Variants in ADAMTS8 observed in about 807,000 individuals in gnomAD.
ADAMTS8 encodes A disintegrin and metalloproteinase with thrombospondin motifs 8.
ADAMTS8 carries 50 observed loss-of-function variants against 64.4 expected under a neutral mutation model. The ratio of observed to expected loss-of-function variants is 0.78; its 90% CI spans 0.62 to 0.98. The LOEUF is 0.98. Among genes scored for constraint, ADAMTS8 ranks in the 50% least tolerant of loss-of-function variants. The pLI is 0.00. For missense variants in ADAMTS8, 1,192 were observed against 1,208.2 expected (o/e 0.99, Z 0.20); for synonymous variants, 556 against 533.6 (o/e 1.04, Z -0.58).
intron 1 of ADAMTS8, among the ~76,000 whole-genome samples, chr11:130,421,308 C>A (rs1015451647): frequency 2.0e-5 from 3 of 152,180 alleles, no homozygotes; most frequent in Admixed American, 1.3e-4. Flanking sequence ...GAATAAACTG[C>A]TGCTTGAAGA....
Position 130,408,515 on chromosome 11 carries a change from CCA to C in ADAMTS8, c.2046_2047del (p.Cys682TrpfsTer23). The C allele has an allele frequency of 6.2e-7, 1 of 1,614,072 alleles. No homozygotes were observed. Among genetic ancestry groups the C allele is most frequent in the Non-Finnish European group, 8.5e-7 (1 of 1,180,008 alleles). On this transcript the variant is annotated frameshift_variant, in exon 8 of 9. Transcript: ENST00000257359. LOFTEE classifies it high-confidence loss of function. ...CTTCCTGCAGGAGTTGCCTTTGCCC[CCA>C]CACACCCCGCATTTGTCCAGCTTCC...
intron 1 of ADAMTS8, among the ~76,000 whole-genome samples, chr11:130,425,511 T>C (rs565530362): frequency 6.6e-6 from 1 of 151,516 alleles, no homozygotes; most frequent in African/African-American, 2.5e-5. Context: ...CAGAATCTGT[T>C]CCATGTGTGG....
At chr11:130,425,608 T>TC (rs551888011) in intron 1 of ADAMTS8, among the ~76,000 whole-genome samples, 106 of 151,186 alleles carry the variant, frequency 7.0e-4, no homozygotes, top group African/African-American at 2.5e-3. Flanking sequence ...TTTTTCTTTT[T>TC]TTTTTTTTTT....
In ADAMTS8 at chr11:130,427,861, G is replaced by T. The variant is rs1862194618; in HGVS notation, c.426C>A (p.Gly142=). Residue 142 remains glycine (G), a synonymous_variant, in exon 1 of 9, where the codon GGC becomes GGA. Coordinates refer to ENST00000257359, the MANE Select transcript of ADAMTS8 (RefSeq NM_007037.6). ...EFTIQPQGAG[G]SLAQPHRLQR... ...GCAGGCGGTGCGGCTGAGCCAGGGA[G>T]CCCCCCGCGCCCTGCGGCTGGATGG... 4.6e-6 allele frequency: 7 copies of T among 1,535,800 alleles called. No individual in the cohort carries two copies. The Middle Eastern group carries it at 6.2e-4, about 136-fold the overall frequency.
In ADAMTS8 at chr11:130,416,524, C is replaced by G. The variant is rs564283402; in HGVS notation, c.1097-194G>C. On this transcript the variant is annotated intron_variant, in intron 3 of 8. Transcript: ENST00000257359. This position sits in a 1 kb window ranked among gnomAD's most constrained non-coding sequence, Gnocchi z 4.8. The stretch of plus-strand genomic sequence containing the variant: ...AGATGACTAAGAAACACGGATACCC[C>G]TTTATTTTCTGCCTCAGCCCGTCCT... 1.3e-5 allele frequency among the ~76,000 whole-genome samples: 2 copies of G among 152,212 alleles called. No individual in the cohort carries two copies. The highest frequency in any genetic ancestry group is 4.8e-5 in the African/African-American group (2 of 41,452).
chr11:130,409,274 G>T (rs539004981), intron 6 of ADAMTS8, among the ~76,000 whole-genome samples: 1 of 152,294 alleles, frequency 6.6e-6, no homozygotes, highest in East Asian at 1.9e-4. Context: ...AGAATGGCAT[G>T]TGGAGCTATA....
rs143297278 is a variant in ADAMTS8, at chr11:130,414,122, CT to C, written c.1566+408del. On this transcript the variant is annotated intron_variant, in intron 5 of 8. Transcript: ENST00000257359. The stretch of plus-strand genomic sequence containing the variant: ...TGCAGCCTGGCCCGAAGTTTCTTTT[CT>C]TTTTTTTTTTTTTTTTTGGAGACAG... Among the ~76,000 whole-genome samples the C allele has an allele frequency of 4.4e-3, 573 of 129,726 alleles. 2 individuals are homozygous for C. The highest frequency in any genetic ancestry group is 0.012 in the African/African-American group (422 of 34,550). The allele number at this position is 129,726 out of a possible 152,430, so 85.1% of individuals were successfully genotyped here.
chr11:130,414,317 T>A (rs954926868), intron 5 of ADAMTS8, among the ~76,000 whole-genome samples: 2 of 151,886 alleles, frequency 1.3e-5, no homozygotes, highest in African/African-American at 4.8e-5. Context: ...ACAGACAGGA[T>A]CTCACTATGT....
At chr11:130,427,500 T>A (rs1445622919) in intron 1 of ADAMTS8, 67 bp downstream of exon 1, 7 of 1,418,792 alleles carry the variant, frequency 4.9e-6, no homozygotes, top group Non-Finnish European at 6.6e-6. Flanking sequence ...AGGGGAGATT[T>A]TAGAGACGCT....
chr11:130,419,252 T>C lies in ADAMTS8; in HGVS notation c.761A>G (p.Tyr254Cys), dbSNP rs370227207. ...LTLMSVAARI[Y>C]KHPSIKNSIN... is the part of the protein sequence containing the mutation. ...GGAATTCTTGATGCTGGGGTGCTTG[T>C]AGATTCGGGCTGCCACAGACATTAA... The change falls in exon 2 of 9, where the codon TAC becomes TGC. Residue 254 changes from tyrosine to cysteine, a missense_variant. By Grantham distance (194) the Tyr-to-Cys change is radical (BLOSUM62 -2). This residue lies in a region of ADAMTS8 where 741 missense variants were observed against 710.6 expected (regional missense o/e 1.04). Transcript: ENST00000257359. 4 of 1,613,932 alleles carry C rather than the reference T, an allele frequency of 2.5e-6. No homozygotes were observed. The highest frequency in any genetic ancestry group is 1.6e-4 in the Middle Eastern group (1 of 6,084).
rs867126623 is a variant in ADAMTS8 at position 130,428,200 on chromosome 11, G to A, written c.87C>T (p.Ala29=). ...LLLPLARGAP[A]RPAAGGQASE... is the part of the protein sequence containing the mutation. ...AGGCCTGCCCCCCGGCTGCGGGCCG[G>A]GCCGGGGCGCCGCGGGCCAGCGGCA... is the stretch of plus-strand genomic sequence containing the variant. The change falls in exon 1 of 9, where the codon GCC becomes GCT. Residue 29 remains alanine, a synonymous_variant. Transcript: ENST00000257359. The A allele has an allele frequency of 1.2e-5, 15 of 1,256,054 alleles. No individual in the cohort carries two copies. The Middle Eastern group carries it at 1.1e-3, about 96-fold the overall frequency. The allele number at this position is 1,256,054 out of a possible 1,614,324, so 77.8% of individuals were successfully genotyped here.
Position 130,415,623 on chromosome 11 carries a change from T to TTTTTA in ADAMTS8, c.1264+539_1264+540insTAAAA, listed in dbSNP as rs56311542. Among the ~76,000 whole-genome samples the TTTTTA allele has an allele frequency of 1.6e-4, 23 of 145,786 alleles. No homozygotes were observed. In the South Asian group the frequency reaches 5.1e-3, roughly 32 times the overall value. ...TGGCCCTTTTTTTTTTTTTTTTTTT[T>TTTTTA]AAAGAGATAGCGTCTCTCTCTGTCA... On this transcript the variant is annotated intron_variant, in intron 4 of 8. Transcript: ENST00000257359.
chr11:130,414,122 CTTTTTTTTTTT>C (rs143297278), intron 5 of ADAMTS8, among the ~76,000 whole-genome samples: 2 of 129,782 alleles, frequency 1.5e-5, no homozygotes, highest in Non-Finnish European at 3.3e-5. Context: ...AGTTTCTTTT[CTTTTTTTTTTT>C]TTTTTTTGGA....
At position 130,405,877 on chromosome 11, in the gene ADAMTS8, T is replaced by C. The variant is rs773160834; in HGVS notation, c.2351A>G (p.Glu784Gly). ...TGTCAGGAGCTGCACTGTCAGAGGCTCTGGCAAGGGCCGGAAGCTCTGCAG... is the reference window on the plus strand; with the variant it reads ...TGTCAGGAGCTGCACTGTCAGAGGCCCTGGCAAGGGCCGGAAGCTCTGCAG... ...ERLQSFRPLP[E>G]PLTVQLLTVP... Residue 784 changes from glutamate (E) to glycine (G), a missense_variant, in exon 9 of 9, where the codon GAG (glutamate) becomes GGG (glycine). Around this residue, in one of 5 missense-constraint regions of ADAMTS8, gnomAD observed 147 missense variants for 154.1 expected, o/e 0.95. Coordinates refer to ENST00000257359, the MANE Select transcript of ADAMTS8 (RefSeq NM_007037.6). The C allele has an allele frequency of 1.2e-6, 2 of 1,614,084 alleles. No homozygotes were observed. The highest frequency in any genetic ancestry group is 1.1e-5 in the South Asian group (1 of 91,084).
intron 4 of ADAMTS8, among the ~76,000 whole-genome samples, chr11:130,415,123 C>G (rs576082517): frequency 6.6e-6 from 1 of 152,230 alleles, no homozygotes; most frequent in South Asian, 2.1e-4. Flanking sequence ...TCATCCATAT[C>G]ACAACCTAAC....
intron 1 of ADAMTS8, among the ~76,000 whole-genome samples, chr11:130,426,633 G>A (rs901676149): frequency 6.6e-6 from 1 of 152,136 alleles, no homozygotes; most frequent in African/African-American, 2.4e-5. Context: ...GAGAAATTGG[G>A]GTTTAGGGCA....
chr11:130,412,817 G>A (rs1861969734), intron 5 of ADAMTS8, among the ~76,000 whole-genome samples: 1 of 152,078 alleles, frequency 6.6e-6, no homozygotes. Flanking sequence ...ATGATTCTAT[G>A]TATATATTCT....
chr11:130,413,896 C>A (rs1184059849), intron 5 of ADAMTS8, among the ~76,000 whole-genome samples: 1 of 152,174 alleles, frequency 6.6e-6, no homozygotes, highest in East Asian at 1.9e-4. Context: ...TGTGTGCTCA[C>A]CTTCCTGTCT....
In ADAMTS8 at chr11:130,411,451, G is replaced by A. The variant is rs1305832931; in HGVS notation, c.1716C>T (p.Tyr572=). 3 of 1,614,178 alleles carry A rather than the reference G, an allele frequency of 1.9e-6. No individual in the cohort carries two copies. In the South Asian group the frequency reaches 3.3e-5, roughly 18 times the overall value. ...GRYCLGRRAK[Y]QSCHTEECPP... is the part of the protein sequence containing the mutation. Reference sequence around the variant, plus strand: ...GGCATTCCTCCGTGTGGCATGACTGGTACTTGGCTCTCCGACCCAGGCAGT... The same window carrying A: ...GGCATTCCTCCGTGTGGCATGACTGATACTTGGCTCTCCGACCCAGGCAGT... Residue 572 remains tyrosine (Y), a synonymous_variant, in exon 6 of 9, where the codon TAC becomes TAT. Transcript: ENST00000257359. This position sits in a 1 kb window ranked among gnomAD's most constrained non-coding sequence, Gnocchi z 4.2.
Sources: allele counts gnomAD v4.1 joint callset (sites outside exome capture counted in the v4.1 genomes callset), GRCh38; gene constraint gnomAD v4.1.1; regional missense constraint gnomAD v4.1.1; non-coding constraint Gnocchi (gnomAD v3.1); transcripts MANE v1.5; gene names NCBI Gene and HGNC (gene_info 2026-07-23, HGNC 2026-07-21).